Variants in DCC observed in about 807,000 individuals in gnomAD.
The protein encoded by DCC is DCC netrin 1 receptor.
A neutral mutation model predicts 172.5 loss-of-function variants in DCC; 58 were observed. The ratio of observed to expected loss-of-function variants is 0.34; its 90% CI spans 0.27 to 0.42. DCC has a LOEUF of 0.42. DCC is among the 10% of genes least tolerant of loss of function. DCC has a pLI of 1.00. For synonymous variants in DCC, 709 were observed against 644.5 expected (o/e 1.10, Z -1.52); for missense variants, 1,740 against 1,791.0 (o/e 0.97, Z 0.51).
intron 5 of DCC, among the ~76,000 whole-genome samples, chr18:52,966,553 C>A (rs573025403): frequency 1.3e-5 from 2 of 152,154 alleles, no homozygotes; most frequent in East Asian, 3.9e-4. Context: ...ATTGCCCAAT[C>A]GGAGGCACCA....
At chr18:52,717,327 A>T (rs2036398631) in intron 1 of DCC, among the ~76,000 whole-genome samples, 1 of 152,002 alleles carries the variant, frequency 6.6e-6, no homozygotes, top group Non-Finnish European at 1.5e-5. Flanking sequence ...TCAGCAGCTC[A>T]GGTTTATAGG....
At chr18:53,386,603 G>A (rs1435951184) in intron 16 of DCC, among the ~76,000 whole-genome samples, 1 of 152,102 alleles carries the variant, frequency 6.6e-6, no homozygotes, top group Non-Finnish European at 1.5e-5. Context: ...CTTCTGGGGT[G>A]GTTTGCATTA....
intron 2 of DCC, among the ~76,000 whole-genome samples, chr18:52,851,557 T>A (rs1598866886): frequency 6.6e-6 from 1 of 152,240 alleles, no homozygotes; most frequent in East Asian, 1.9e-4. Flanking sequence ...TGTTTCCCTT[T>A]GGGTTATTCC....
chr18:52,738,146 C>T (rs1190744310), intron 1 of DCC, among the ~76,000 whole-genome samples: 1 of 152,182 alleles, frequency 6.6e-6, no homozygotes, highest in African/African-American at 2.4e-5. Context: ...TGCCTTACCA[C>T]TGTCTCAGAA....
At chr18:52,945,791 C>G (rs948553663) in intron 5 of DCC, among the ~76,000 whole-genome samples, 12 of 152,268 alleles carry the variant, frequency 7.9e-5, no homozygotes, top group Middle Eastern at 3.4e-3. Context: ...AACTGACAAC[C>G]TAACGTCCAA....
intron 9 of DCC, among the ~76,000 whole-genome samples, chr18:53,200,579 C>G (rs538103622): frequency 2.2e-4 from 33 of 152,246 alleles, no homozygotes; most frequent in South Asian, 4.1e-4. Flanking sequence ...CACTGAGCAG[C>G]CCTGGCTAGG....
chr18:52,493,637 T>G (rs1282783845), intron 1 of DCC, among the ~76,000 whole-genome samples: 1 of 152,096 alleles, frequency 6.6e-6, no homozygotes, highest in Non-Finnish European at 1.5e-5. Flanking sequence ...TGCTCCCATT[T>G]CATTTCATAC....
At chr18:52,685,652 A>C (rs2035819103) in intron 1 of DCC, among the ~76,000 whole-genome samples, 1 of 152,080 alleles carries the variant, frequency 6.6e-6, no homozygotes, top group Non-Finnish European at 1.5e-5. Context: ...CTCTCTGGCC[A>C]TGGGAAATAG....
In DCC at chr18:53,410,468, T is replaced by C. The variant is rs762030540; in HGVS notation, c.2952T>C (p.Tyr984=). 65 of 1,605,990 alleles carry C rather than the reference T, an allele frequency of 4.0e-5. No homozygotes were observed. The highest frequency in any genetic ancestry group is 4.9e-5 in the Non-Finnish European group (58 of 1,172,756). The change falls in exon 20 of 29, where the codon TAT becomes TAC. Residue 984 remains tyrosine (Y), a synonymous_variant. Transcript: ENST00000442544. ...TTTATGCAGCTTACATCTTATTTTATACCTTGGACAAGAACATCCCAATTG... is the reference window on the plus strand; with the variant it reads ...TTTATGCAGCTTACATCTTATTTTACACCTTGGACAAGAACATCCCAATTG... ...NGKITAYILF[Y]TLDKNIPIDD... is the part of the protein sequence containing the mutation.
At chr18:53,402,209 G>A (rs1017246573) in intron 18 of DCC, among the ~76,000 whole-genome samples, 4 of 151,960 alleles carry the variant, frequency 2.6e-5, no homozygotes, top group African/African-American at 9.7e-5. Context: ...TGGCAACATA[G>A]ACCCATCTCT....
At position 53,037,087 on chromosome 18, in the gene DCC, C is replaced by T. The variant is rs186285617; in HGVS notation, c.986-26218C>T. ...TCTCTTTACACAGAGTAAACCATTA[C>T]GGGGACATCAGGAAAGACCCTTTCC... On this transcript the variant is annotated intron_variant, in intron 5 of 28. Transcript: ENST00000442544. Among the ~76,000 whole-genome samples, 97 of 152,040 alleles carry T rather than the reference C, an allele frequency of 6.4e-4. 1 individual carries two copies. Among genetic ancestry groups the T allele is most frequent in the African/African-American group, 2.1e-3 (87 of 41,508 alleles).
intron 12 of DCC, among the ~76,000 whole-genome samples, chr18:53,261,658 C>T (rs960830301): frequency 3.9e-5 from 6 of 152,090 alleles, no homozygotes; most frequent in Admixed American, 1.3e-4. Context: ...ACTACAGGTG[C>T]CTGCCATCAT....
rs549938416 is a variant in DCC at position 52,581,104 on chromosome 18, A to T, written c.92-170950A>T. Among the ~76,000 whole-genome samples, 4 of 152,266 alleles carry T rather than the reference A, an allele frequency of 2.6e-5. No individual in the cohort carries two copies. In the South Asian group the frequency reaches 6.2e-4, roughly 24 times the overall value. On this transcript the variant is annotated intron_variant, in intron 1 of 28. Coordinates refer to ENST00000442544, the MANE Select transcript of DCC (RefSeq NM_005215.4). ...GCCATCAATTATAACTTACATACAG[A>T]TTTAGATATAAATATAGACAGATAA...
intron 1 of DCC, among the ~76,000 whole-genome samples, chr18:52,342,441 C>T (rs893329081): frequency 9.3e-6 from 1 of 108,064 alleles, no homozygotes; most frequent in Non-Finnish European, 1.7e-5. Context: ...TCAACAATTA[C>T]TCTCGCAAAA....
chr18:53,242,432 G>C (rs147640472), intron 12 of DCC, among the ~76,000 whole-genome samples: 1 of 151,998 alleles, frequency 6.6e-6, no homozygotes, highest in Non-Finnish European at 1.5e-5. Flanking sequence ...TTGTTCAATC[G>C]ATATCTGCTC....
chr18:52,923,657 C>G (rs1349844582), intron 3 of DCC, 50 bp from the exon 4 acceptor site: 1 of 1,374,492 alleles, frequency 7.3e-7, no homozygotes, highest in Non-Finnish European at 1.0e-6. Flanking sequence ...TATCATTTAT[C>G]TTTGCAATGT....
chr18:52,719,688 G>A (rs2036443172), intron 1 of DCC, among the ~76,000 whole-genome samples: 2 of 152,064 alleles, frequency 1.3e-5, no homozygotes, highest in African/African-American at 4.8e-5. Context: ...TTGAGAAGAG[G>A]CCCAGCTTTT....
intron 8 of DCC, among the ~76,000 whole-genome samples, chr18:53,168,574 C>CG (rs1052170948): frequency 2.8e-3 from 6 of 2,140 alleles, no homozygotes; most frequent in Non-Finnish European, 7.9e-3. Context: ...TGGGGGCGGG[C>CG]GGGGGGGCTA....
intron 1 of DCC, among the ~76,000 whole-genome samples, chr18:52,665,003 C>G (rs1267135204): frequency 6.6e-6 from 1 of 152,192 alleles, no homozygotes; most frequent in African/African-American, 2.4e-5. Context: ...CAAGGCAGGT[C>G]AATAGACAGT....
Sources: gnomAD v4.1 joint callset for allele counts (sites outside exome capture counted in the v4.1 genomes callset) on GRCh38, gnomAD v4.1.1 for gene constraint, MANE v1.5 for transcripts, NCBI Gene and HGNC (gene_info 2026-07-23, HGNC 2026-07-21) for gene names.